The following PLXNA4 variants were observed in gnomAD, a reference collection of about 807,000 sequenced individuals.
PLXNA4 encodes the protein plexin A4, also known as plexin-A4.
A neutral mutation model predicts 191.8 loss-of-function variants in PLXNA4; 44 were observed. That is an observed-to-expected ratio of 0.23 (90% confidence interval 0.18 to 0.29). The LOEUF (loss-of-function observed/expected upper bound fraction) is 0.29. Among genes scored for constraint, PLXNA4 ranks in the 10% least tolerant of loss-of-function variants. The pLI is 1.00. For synonymous variants in PLXNA4, 1,082 were observed against 1,009.5 expected (o/e 1.07, Z -1.36); for missense variants, 1,800 against 2,488.8 (o/e 0.72, Z 5.89).
chr7:132,386,691 T>C (rs1585065936), intron 3 of PLXNA4, among the ~76,000 whole-genome samples: 1 of 152,162 alleles, frequency 6.6e-6, no homozygotes, highest in Non-Finnish European at 1.5e-5. Context: ...CCCAGCATTC[T>C]GCCGTGGAAA....
At chr7:132,135,058 G>C (rs1027054462) in intron 30 of PLXNA4, among the ~76,000 whole-genome samples, 3 of 152,110 alleles carry the variant, frequency 2.0e-5, no homozygotes, top group Admixed American at 2.0e-4. Context: ...TTTTATAGTG[G>C]GACACCAGAG....
At chr7:132,629,331 T>G (rs1182973687) in intron 2 of PLXNA4, among the ~76,000 whole-genome samples, 1 of 152,228 alleles carries the variant, frequency 6.6e-6, no homozygotes, top group Non-Finnish European at 1.5e-5. Context: ...GAGGAAAGCT[T>G]CATTCCTGCA....
At chr7:132,245,685 A>G (rs1239501891) in intron 4 of PLXNA4, among the ~76,000 whole-genome samples, 1 of 152,236 alleles carries the variant, frequency 6.6e-6, no homozygotes, top group African/African-American at 2.4e-5. Context: ...AGCAACCCAA[A>G]TATCCATCAA....
intron 2 of PLXNA4, among the ~76,000 whole-genome samples, chr7:132,632,460 T>A (rs1314928590): frequency 6.6e-6 from 1 of 152,074 alleles, no homozygotes; most frequent in East Asian, 1.9e-4. Context: ...AGCCCAGAAG[T>A]CACACAGTGA....
At chr7:132,610,629 C>T (rs368537676) in intron 2 of PLXNA4, among the ~76,000 whole-genome samples, 6 of 152,228 alleles carry the variant, frequency 3.9e-5, no homozygotes, top group African/African-American at 1.2e-4. Context: ...AAGACTAAAA[C>T]GTGCATGCAT....
At chr7:132,344,291 A>G (rs2116763459) in intron 3 of PLXNA4, among the ~76,000 whole-genome samples, 1 of 152,266 alleles carries the variant, frequency 6.6e-6, no homozygotes, top group African/African-American at 2.4e-5. Flanking sequence ...TGCAACCTCA[A>G]TGTGCCCCAC....
At chr7:132,555,045 G>GAAAAAAAAAAAAAAAAAAAA (rs1554467852) in intron 1 of PLXNA4, among the ~76,000 whole-genome samples, 1 of 111,942 alleles carries the variant, frequency 8.9e-6, no homozygotes, top group Non-Finnish European at 1.7e-5. Flanking sequence ...AAACCTGAAG[G>GAAAAAAAAAAAAAAAAAAAA]AAAAAAAAAA....
chr7:132,622,348 C>G (rs148743069), intron 2 of PLXNA4, among the ~76,000 whole-genome samples: 239 of 152,284 alleles, frequency 1.6e-3, no homozygotes, highest in African/African-American at 5.5e-3. Context: ...AAGAATTATT[C>G]AAGCATTTGT....
chr7:132,527,513 CA>C (rs1799445029), intron 1 of PLXNA4, among the ~76,000 whole-genome samples: 1 of 107,490 alleles, frequency 9.3e-6, no homozygotes, highest in South Asian at 3.3e-4. Flanking sequence ...AAGGGCAGCA[CA>C]ATGTGTCACA....
chr7:132,521,663 C>A (rs143178810), intron 1 of PLXNA4, among the ~76,000 whole-genome samples: 1 of 152,176 alleles, frequency 6.6e-6, no homozygotes, highest in African/African-American at 2.4e-5. Flanking sequence ...GCCAGCAACA[C>A]CTGGGCAAGG....
intron 4 of PLXNA4, among the ~76,000 whole-genome samples, chr7:132,248,059 T>C (rs1352725979): frequency 6.6e-6 from 1 of 152,214 alleles, no homozygotes; most frequent in Admixed American, 6.5e-5. Flanking sequence ...GCTTTGGGCA[T>C]GGCCTCAGAA....
chr7:132,583,837 G>C (rs2116816338), intron 2 of PLXNA4, among the ~76,000 whole-genome samples: 1 of 152,234 alleles, frequency 6.6e-6, no homozygotes, highest in East Asian at 1.9e-4. Context: ...GTGGAGTCCA[G>C]AGAGAGCAGG....
At chr7:132,562,723 C>T (rs1425210452) in intron 1 of PLXNA4, among the ~76,000 whole-genome samples, 4 of 116,834 alleles carry the variant, frequency 3.4e-5, no homozygotes, top group African/African-American at 1.5e-4. Context: ...TCCTCCTTTT[C>T]CTCGTCCTCC....
chr7:132,434,715 A>C (rs277483), intron 3 of PLXNA4, among the ~76,000 whole-genome samples: 40,856 of 152,182 alleles, frequency 0.27, 11,051 homozygotes, highest in African/African-American at 0.68. Context: ...AGGCACACAG[A>C]CCATGAATGA....
chr7:132,587,425 G>T (rs1042529262), intron 2 of PLXNA4, among the ~76,000 whole-genome samples: 1 of 152,200 alleles, frequency 6.6e-6, no homozygotes, highest in Non-Finnish European at 1.5e-5. Context: ...ATTGTCTTGA[G>T]TGGTAGTGAG....
intron 3 of PLXNA4, among the ~76,000 whole-genome samples, chr7:132,429,098 T>C (rs188976394): frequency 6.6e-6 from 1 of 152,258 alleles, no homozygotes; most frequent in African/African-American, 2.4e-5. Flanking sequence ...AATAGCCATG[T>C]AGACTACAGA....
intron 16 of PLXNA4, among the ~76,000 whole-genome samples, chr7:132,183,894 T>C (rs1796792923): frequency 6.6e-6 from 1 of 152,242 alleles, no homozygotes; most frequent in African/African-American, 2.4e-5. Context: ...TATTGTAGGC[T>C]TTACAGGCCA....
At chr7:132,550,085 G>C (rs1200723522) in intron 1 of PLXNA4, among the ~76,000 whole-genome samples, 1 of 152,152 alleles carries the variant, frequency 6.6e-6, no homozygotes, top group Non-Finnish European at 1.5e-5. Flanking sequence ...GGTTCTATAA[G>C]GCTAGGGCTA....
At chr7:132,324,666 A>G (rs1802293998) in intron 3 of PLXNA4, among the ~76,000 whole-genome samples, 1 of 152,202 alleles carries the variant, frequency 6.6e-6, no homozygotes, top group Non-Finnish European at 1.5e-5. Flanking sequence ...GTCGGCTATT[A>G]AAAAGGCTAA....
Sources: allele counts gnomAD v4.1 joint callset (sites outside exome capture counted in the v4.1 genomes callset), GRCh38; gene constraint gnomAD v4.1.1; transcripts MANE v1.5; gene names NCBI Gene and HGNC (gene_info 2026-07-23, HGNC 2026-07-21).